Variants in CACNA1A observed in about 807,000 individuals in gnomAD.
The protein encoded by CACNA1A is calcium voltage-gated channel subunit alpha1 A, also known as voltage-dependent P/Q-type calcium channel subunit alpha-1A.
CACNA1A carries 57 observed loss-of-function variants against 262.4 expected under a neutral mutation model. The ratio of observed to expected loss-of-function variants is 0.22; its 90% confidence interval spans 0.18 to 0.27. CACNA1A has a LOEUF of 0.27. Ranked by LOEUF, CACNA1A falls within the 10% of genes least tolerant of loss-of-function variation. CACNA1A has a pLI of 1.00. For missense variants in CACNA1A, 2,526 were observed against 3,562.8 expected, an observed-to-expected ratio of 0.71 and a Z score of 7.41; for synonymous variants, 1,431 against 1,419.3, an observed-to-expected ratio of 1.01 and a Z score of -0.18.
intron 3 of CACNA1A, among the ~76,000 whole-genome samples, chr19:13,429,167 T>TACACACACACACACACAC (rs56218610): frequency 1.4e-5 from 2 of 141,152 alleles, no homozygotes; most frequent in African/African-American, 5.3e-5. Context: ...TCACTGTGCG[T>TACACACACACACACACAC]ACACACACAC....
chr19:13,303,708 C>A (rs2057839297), intron 16 of CACNA1A, 59 bp downstream of exon 16: 28 of 1,561,064 alleles, frequency 1.8e-5, no homozygotes, highest in Non-Finnish European at 2.1e-5. Context: ...TGAGCCCCTG[C>A]AACCTCTCCT....
At chr19:13,345,627 A>C (rs1452551660) in intron 6 of CACNA1A, among the ~76,000 whole-genome samples, 4 of 152,168 alleles carry the variant, frequency 2.6e-5, no homozygotes, top group African/African-American at 9.7e-5. Flanking sequence ...AAAAACAAAA[A>C]CAAAACAAAA....
At chr19:13,461,380 C>T (rs936365998) in intron 1 of CACNA1A, among the ~76,000 whole-genome samples, 2 of 150,632 alleles carry the variant, frequency 1.3e-5, no homozygotes, top group South Asian at 4.2e-4. Context: ...CAAAACAAAA[C>T]AAAAATCACC....
intron 15 of CACNA1A, among the ~76,000 whole-genome samples, chr19:13,305,552 T>C (rs1021679896): frequency 2.6e-5 from 4 of 152,204 alleles, no homozygotes; most frequent in Non-Finnish European, 5.9e-5. Context: ...CTGCTGATAT[T>C]TGGGGCCAGA....
chr19:13,330,063 T>C (rs1225040458), intron 10 of CACNA1A, among the ~76,000 whole-genome samples, 181 bp downstream of exon 10: 1 of 152,114 alleles, frequency 6.6e-6, no homozygotes, highest in African/African-American at 2.4e-5. Context: ...AATGAGAAGC[T>C]AGGCACGGAT....
chr19:13,320,992 G>C (rs1310877727), intron 10 of CACNA1A, among the ~76,000 whole-genome samples: 1 of 149,156 alleles, frequency 6.7e-6, no homozygotes, highest in East Asian at 1.9e-4. Context: ...TCAAGAGCCG[G>C]TGTAACTGGT....
chr19:13,444,248 G>GGGATGATCTACCA (rs2060772099), intron 3 of CACNA1A, among the ~76,000 whole-genome samples: 1 of 152,192 alleles, frequency 6.6e-6, no homozygotes, highest in East Asian at 1.9e-4. Flanking sequence ...CTGATCCATG[G>GGGATGATCTACCA]AGGGGAGAAA....
chr19:13,423,040 G>A (rs2060343742), intron 3 of CACNA1A, among the ~76,000 whole-genome samples: 3 of 152,206 alleles, frequency 2.0e-5, no homozygotes, highest in African/African-American at 4.8e-5. Flanking sequence ...TCAAACCTGA[G>A]AGTGGTCTTG....
intron 3 of CACNA1A, among the ~76,000 whole-genome samples, chr19:13,398,859 G>A (rs1048331837): frequency 2.6e-5 from 4 of 152,220 alleles, no homozygotes; most frequent in Admixed American, 2.6e-4. Flanking sequence ...CATTCTCTGG[G>A]CAAACAAAAA....
At chr19:13,421,898 T>C (rs1286928652) in intron 3 of CACNA1A, among the ~76,000 whole-genome samples, 1 of 152,132 alleles carries the variant, frequency 6.6e-6, no homozygotes, top group Non-Finnish European at 1.5e-5. Context: ...AGAGGGTTTT[T>C]GGAGGAAATA....
At chr19:13,290,935 A>T (rs1484884430) in intron 19 of CACNA1A, among the ~76,000 whole-genome samples, 2 of 152,108 alleles carry the variant, frequency 1.3e-5, no homozygotes, top group Non-Finnish European at 2.9e-5. Flanking sequence ...GGGTCTGCCA[A>T]TGTGTTTTGT....
intron 24 of CACNA1A, chr19:13,274,941 G>A (rs2057110061): frequency 4.6e-5 from 7 of 151,744 alleles, no homozygotes; most frequent in Non-Finnish European, 1.5e-5. Context: ...TAGCATGGTA[G>A]CCCAGAAATC....
intron 10 of CACNA1A, among the ~76,000 whole-genome samples, chr19:13,320,208 T>G (rs887323233): frequency 7.1e-6 from 1 of 141,400 alleles, no homozygotes; most frequent in Non-Finnish European, 1.5e-5. Context: ...CCTTGGGACC[T>G]TGGGGGACAG....
At chr19:13,227,349 T>A (rs550544619) in intron 37 of CACNA1A, 82 bp downstream of exon 37, 3 of 588,264 alleles carry the variant, frequency 5.1e-6, no homozygotes. Flanking sequence ...CGGGTGTTTC[T>A]GGTCAGCACT....
chr19:13,490,993 GAAGGAAGGAAGA>G (rs958455980), intron 1 of CACNA1A, among the ~76,000 whole-genome samples: 17 of 145,600 alleles, frequency 1.2e-4, no homozygotes, highest in Admixed American at 3.7e-4. Flanking sequence ...AGGAAAGGAA[GAAGGAAGGAAGA>G]AAGGAAGGAA....
At chr19:13,441,598 A>C (rs1032606279) in intron 3 of CACNA1A, among the ~76,000 whole-genome samples, 19 of 147,292 alleles carry the variant, frequency 1.3e-4, no homozygotes, top group African/African-American at 4.6e-4. Context: ...TGGGAGGCGG[A>C]GGCTGCAGTG....
At chr19:13,435,182 T>C (rs2060587194) in intron 3 of CACNA1A, among the ~76,000 whole-genome samples, 1 of 151,780 alleles carries the variant, frequency 6.6e-6, no homozygotes, top group East Asian at 1.9e-4. Flanking sequence ...GGCGCAATCT[T>C]GGCTCACTGC....
chr19:13,232,990 G>A (rs1352079050), intron 34 of CACNA1A, among the ~76,000 whole-genome samples: 3 of 146,552 alleles, frequency 2.0e-5, no homozygotes, highest in African/African-American at 5.1e-5. Flanking sequence ...CAGAAGTTGC[G>A]CCGAGCCGAG....
At chr19:13,291,581 T>C (rs2057539261) in intron 19 of CACNA1A, among the ~76,000 whole-genome samples, 1 of 149,878 alleles carries the variant, frequency 6.7e-6, no homozygotes, top group African/African-American at 2.5e-5. Context: ...GGAAGATCGC[T>C]TGAGCCCAGG....
Sources: gnomAD v4.1 joint callset for allele counts (sites outside exome capture counted in the v4.1 genomes callset) on GRCh38, gnomAD v4.1.1 for gene constraint, MANE v1.5 for transcripts, NCBI Gene and HGNC (gene_info 2026-07-23, HGNC 2026-07-21) for gene names.